The following MTMR8 variants were observed in gnomAD, a reference collection of about 807,000 sequenced individuals.
The protein encoded by MTMR8 is phosphatidylinositol-3,5-bisphosphate 3-phosphatase MTMR8.
A neutral mutation model predicts 39.3 loss-of-function variants in MTMR8; 65 were observed. The ratio of observed to expected loss-of-function variants is 1.65; its 90% confidence interval spans 1.35 to 2.03. The LOEUF (loss-of-function observed/expected upper bound fraction) is 2.03. Ranked by LOEUF, MTMR8 falls within the 30% of genes most tolerant of loss-of-function variation. The pLI, the probability that MTMR8 is intolerant of heterozygous loss-of-function variation, is 0.00. For missense variants in MTMR8, 777 were observed against 538.9 expected (o/e 1.44, Z -4.37); for synonymous variants, 245 against 185.2 (o/e 1.32, Z -2.62).
intron 4 of MTMR8, among the ~76,000 whole-genome samples, chrX:64,351,913 C>G (rs777769749): frequency 8.1e-5 from 9 of 110,922 alleles, no homozygotes; most frequent in Non-Finnish European, 1.5e-4. Flanking sequence ...CTCTCCCAGT[C>G]CACTGACTCA....
At chrX:64,285,851 T>G (rs1038202275) in intron 12 of MTMR8, among the ~76,000 whole-genome samples, 20 of 110,696 alleles carry the variant, frequency 1.8e-4, no homozygotes, top group African/African-American at 4.9e-4. Flanking sequence ...TTTATAGCAC[T>G]AAATGCCCAC....
intron 12 of MTMR8, among the ~76,000 whole-genome samples, chrX:64,287,672 G>A (rs1395659538): frequency 1.6e-4 from 17 of 109,535 alleles, no homozygotes; most frequent in African/African-American, 5.0e-4. Flanking sequence ...CACATCTACA[G>A]CTATCTGATC....
In MTMR8 at chrX:64,278,719, G is replaced by A. The variant is rs760440555; in HGVS notation, c.1482-7646C>T. Among the ~76,000 whole-genome samples the A allele has an allele frequency of 5.2e-4, 57 of 109,970 alleles. 1 individual carries two copies. The highest frequency in any genetic ancestry group is 3.7e-3 in the East Asian group (13 of 3,469). ...GAACTCCTGACCTTGTGATCTGCCC[G>A]CCTCGGCCTTCCAAAGTACTGGGAT... is the stretch of plus-strand genomic sequence containing the variant. On this transcript the variant is annotated intron_variant, in intron 12 of 13. Transcript: ENST00000374852.
chrX:64,347,486 G>T (rs186800891), intron 6 of MTMR8, among the ~76,000 whole-genome samples: 159 of 111,932 alleles, frequency 1.4e-3, no homozygotes, highest in African/African-American at 4.8e-3. Flanking sequence ...TCTCTCCTGA[G>T]CTCAGTCAGT....
intron 1 of MTMR8, among the ~76,000 whole-genome samples, chrX:64,375,809 G>A (rs929759580): frequency 4.5e-5 from 5 of 111,700 alleles, no homozygotes; most frequent in South Asian, 3.8e-4. Flanking sequence ...CTCACTGAGC[G>A]ATATGGTTTG....
chrX:64,324,764 C>T (rs910015423), intron 12 of MTMR8, among the ~76,000 whole-genome samples: 4 of 94,224 alleles, frequency 4.2e-5, no homozygotes, highest in East Asian at 3.4e-4. Context: ...ACTCTCTTTT[C>T]GGACTCAGCC....
intron 12 of MTMR8, among the ~76,000 whole-genome samples, chrX:64,318,927 C>T (rs769448330): frequency 1.6e-3 from 174 of 111,058 alleles, no homozygotes; most frequent in African/African-American, 4.8e-3. Context: ...GTGATCCACC[C>T]GCCTTGGCCT....
rs1042108341 is a variant in MTMR8 at position 64,304,086 on chromosome X, G to C, written c.1481+24686C>G. 1.1e-4 allele frequency among the ~76,000 whole-genome samples: 12 copies of C among 112,077 alleles called. 1 individual carries two copies. The Middle Eastern group carries it at 0.014, about 129-fold the overall frequency. On this transcript the variant is annotated intron_variant, in intron 12 of 13. Transcript: ENST00000374852. The stretch of plus-strand genomic sequence containing the variant: ...ATTCATAGCATCAAACATTCATTCA[G>C]TGCAAATGCACAGGGAAACCTTCCT...
chrX:64,287,172 A>T (rs1921213461), intron 12 of MTMR8, among the ~76,000 whole-genome samples: 1 of 111,449 alleles, frequency 9.0e-6, no homozygotes, highest in African/African-American at 3.3e-5. Flanking sequence ...CACCAATAAC[A>T]AACAAACAGA....
chrX:64,386,268 A>G (rs1356140534), intron 1 of MTMR8, among the ~76,000 whole-genome samples: 2 of 111,628 alleles, frequency 1.8e-5, no homozygotes, highest in Non-Finnish European at 3.8e-5. Flanking sequence ...CTATAACTAA[A>G]TTTTCTTGTA....
At chrX:64,384,890 T>C (rs1484597616) in intron 1 of MTMR8, among the ~76,000 whole-genome samples, 1 of 112,768 alleles carries the variant, frequency 8.9e-6, no homozygotes, top group Non-Finnish European at 1.9e-5. Flanking sequence ...TGCAAATTTA[T>C]CCAGCAAGTG....
intron 1 of MTMR8, among the ~76,000 whole-genome samples, chrX:64,377,796 T>A (rs1431537381): frequency 8.9e-6 from 1 of 111,744 alleles, no homozygotes; most frequent in African/African-American, 3.3e-5. Context: ...CGGGCCAGGG[T>A]GGAATGATAT....
intron 12 of MTMR8, among the ~76,000 whole-genome samples, chrX:64,307,578 G>A (rs753116494): frequency 6.3e-5 from 7 of 111,301 alleles, no homozygotes; most frequent in East Asian, 2.8e-4. Flanking sequence ...TACCACTGCC[G>A]CACAGACTTG....
chrX:64,392,953 G>GA (rs762972275), intron 1 of MTMR8, among the ~76,000 whole-genome samples: 12 of 111,287 alleles, frequency 1.1e-4, no homozygotes, highest in African/African-American at 3.3e-4. Flanking sequence ...TAGAAACTGA[G>GA]AAAAAAACAG....
In MTMR8 at chrX:64,382,535, C is replaced by T. The variant is rs371798571; in HGVS notation, c.24+12805G>A. On this transcript the variant is annotated intron_variant, in intron 1 of 13. Transcript: ENST00000374852. ...TGATGGGGTTTTCTAGATATACAAT[C>T]ATGTCATCTGCAAACAGGGACAATT... 2.7e-5 allele frequency among the ~76,000 whole-genome samples: 3 copies of T among 111,583 alleles called. No individual in the cohort carries two copies. In the East Asian group the frequency reaches 8.5e-4, roughly 32 times the overall value.
At chrX:64,365,575 C>A (rs894308360) in intron 1 of MTMR8, among the ~76,000 whole-genome samples, 2 of 111,688 alleles carry the variant, frequency 1.8e-5, no homozygotes, top group East Asian at 5.6e-4. Context: ...GATTTTGTCA[C>A]CACCAGGCTT....
chrX:64,331,487 G>A (rs1046399654), intron 11 of MTMR8, 70 bp downstream of exon 11: 3 of 994,559 alleles, frequency 3.0e-6, no homozygotes, highest in Admixed American at 2.4e-5. Flanking sequence ...CAAATTCAGG[G>A]TGGTAGGTAC....
In MTMR8 at chrX:64,391,595, C is replaced by T. The variant is rs1039148223; in HGVS notation, c.24+3745G>A. Among the ~76,000 whole-genome samples, 3 of 111,975 alleles carry T rather than the reference C, an allele frequency of 2.7e-5. No individual in the cohort carries two copies. The East Asian group carries it at 8.4e-4, about 31-fold the overall frequency. Reference sequence around the variant, plus strand: ...CCATATCCATATCCAGTTATGTATCCTTGACTCCCAATGTGATATTCTGCA... The same window carrying T: ...CCATATCCATATCCAGTTATGTATCTTTGACTCCCAATGTGATATTCTGCA... On this transcript the variant is annotated intron_variant, in intron 1 of 13. Coordinates refer to ENST00000374852, the MANE Select transcript of MTMR8 (RefSeq NM_017677.4).
At chrX:64,297,217 T>C (rs1921642692) in intron 12 of MTMR8, among the ~76,000 whole-genome samples, 1 of 95,066 alleles carries the variant, frequency 1.1e-5, no homozygotes, top group African/African-American at 3.9e-5. Flanking sequence ...AGTGTTCCTA[T>C]TTCTCCACAT....
Sources: gnomAD v4.1 joint callset for allele counts (sites outside exome capture counted in the v4.1 genomes callset) on GRCh38, gnomAD v4.1.1 for gene constraint, MANE v1.5 for transcripts, NCBI Gene and HGNC (gene_info 2026-07-23, HGNC 2026-07-21) for gene names.